Variants in SNTB1 observed in about 807,000 individuals in gnomAD.
The protein encoded by SNTB1 is syntrophin beta 1.
In SNTB1, 36 loss-of-function variants were observed where a neutral mutation model predicts 48.9. The ratio of observed to expected loss-of-function variants is 0.74; its 90% CI spans 0.56 to 0.97. SNTB1 has a LOEUF of 0.97. Among genes scored for constraint, SNTB1 ranks in the 50% least tolerant of loss-of-function variants. The pLI is 0.00. For missense variants in SNTB1, 786 were observed against 703.4 expected, an observed-to-expected ratio of 1.12 and a Z score of -1.33; for synonymous variants, 299 against 294.6, an observed-to-expected ratio of 1.01 and a Z score of -0.15.
intron 3 of SNTB1, among the ~76,000 whole-genome samples, chr8:120,610,475 C>A (rs2130730046): frequency 6.6e-6 from 1 of 152,188 alleles, no homozygotes; most frequent in East Asian, 1.9e-4. Flanking sequence ...ATTCATTAAT[C>A]ATCTTATAAA....
At chr8:120,591,895 C>T (rs1387639157) in intron 3 of SNTB1, among the ~76,000 whole-genome samples, 1 of 152,092 alleles carries the variant, frequency 6.6e-6, no homozygotes, top group Non-Finnish European at 1.5e-5. Flanking sequence ...GCAAAAGGGA[C>T]AGCTCAGTTA....
intron 2 of SNTB1, among the ~76,000 whole-genome samples, chr8:120,656,104 G>C (rs1795275716): frequency 6.6e-6 from 1 of 152,160 alleles, no homozygotes; most frequent in Non-Finnish European, 1.5e-5. Context: ...ACTAGAGTTG[G>C]AGTTGATTCT....
At chr8:120,556,718 G>A (rs989998029) in intron 4 of SNTB1, among the ~76,000 whole-genome samples, 6 of 152,152 alleles carry the variant, frequency 3.9e-5, no homozygotes, top group African/African-American at 7.2e-5. Flanking sequence ...TAGGAGTAGC[G>A]CCTCCAGAAA....
At chr8:120,559,104 C>G (rs1234161601) in intron 4 of SNTB1, among the ~76,000 whole-genome samples, 1 of 152,170 alleles carries the variant, frequency 6.6e-6, no homozygotes, top group Non-Finnish European at 1.5e-5. Context: ...ATCCAAAGAA[C>G]TTGGGTTTAT....
intron 3 of SNTB1, among the ~76,000 whole-genome samples, chr8:120,584,840 G>A (rs1413400526): frequency 2.6e-5 from 4 of 152,306 alleles, no homozygotes; most frequent in African/African-American, 9.6e-5. Context: ...GTACGCAGAC[G>A]TGTACACAGG....
intron 2 of SNTB1, among the ~76,000 whole-genome samples, chr8:120,658,699 T>A (rs1037427566): frequency 8.5e-5 from 13 of 152,232 alleles, no homozygotes; most frequent in Non-Finnish European, 1.8e-4. Context: ...GTAATCTTTT[T>A]GCTGGTGGAG....
At chr8:120,626,851 G>T (rs1304602227) in intron 3 of SNTB1, among the ~76,000 whole-genome samples, 4 of 152,124 alleles carry the variant, frequency 2.6e-5, no homozygotes, top group Non-Finnish European at 5.9e-5. Flanking sequence ...TTGCTATCTT[G>T]AACAGTATCA....
chr8:120,671,204 T>G, intron 2 of SNTB1, among the ~76,000 whole-genome samples: 1 of 152,184 alleles, frequency 6.6e-6, no homozygotes, highest in African/African-American at 2.4e-5. Flanking sequence ...ATATAAGTCT[T>G]ATTTTTAGAG....
chr8:120,653,425 A>C (rs1238072487), intron 2 of SNTB1, among the ~76,000 whole-genome samples: 5 of 152,068 alleles, frequency 3.3e-5, no homozygotes, highest in African/African-American at 1.2e-4. Context: ...GTTAGGAGAG[A>C]GGTATGAAAT....
At chr8:120,776,971 G>A (rs1202539322) in intron 1 of SNTB1, 1 of 152,164 alleles carries the variant, frequency 6.6e-6, no homozygotes, top group Admixed American at 6.5e-5. Context: ...GAACAGAAAT[G>A]AGGCCTTTTA....
chr8:120,756,805 C>G (rs919776959), intron 1 of SNTB1, among the ~76,000 whole-genome samples: 1 of 152,070 alleles, frequency 6.6e-6, no homozygotes, highest in Non-Finnish European at 1.5e-5. Context: ...AGAGAAAAGC[C>G]ACTGCTACAT....
chr8:120,678,664 A>G (rs114547208), intron 2 of SNTB1, among the ~76,000 whole-genome samples: 2,516 of 152,366 alleles, frequency 0.017, 70 homozygotes, highest in African/African-American at 0.055. Context: ...CAACAGGGTC[A>G]GGAAATGAAG....
chr8:120,563,057 T>G (rs1356763040), intron 4 of SNTB1, among the ~76,000 whole-genome samples: 1 of 152,048 alleles, frequency 6.6e-6, no homozygotes, highest in Non-Finnish European at 1.5e-5. Flanking sequence ...CTCAGGCCCA[T>G]GGGACAATAA....
chr8:120,553,497 C>G (rs1000209357), intron 4 of SNTB1, among the ~76,000 whole-genome samples: 17 of 152,134 alleles, frequency 1.1e-4, no homozygotes, highest in Non-Finnish European at 2.1e-4. Flanking sequence ...TCTGCTGTAT[C>G]CATGTGTGTG....
chr8:120,767,306 G>T (rs1819543227), intron 1 of SNTB1, among the ~76,000 whole-genome samples: 2 of 152,150 alleles, frequency 1.3e-5, no homozygotes, highest in Admixed American at 6.6e-5. Context: ...AAAGCTGAAT[G>T]ATGATTCTCT....
intron 1 of SNTB1, among the ~76,000 whole-genome samples, chr8:120,804,386 T>C (rs879368544): frequency 6.6e-6 from 1 of 152,160 alleles, no homozygotes; most frequent in African/African-American, 2.4e-5. Context: ...AAGTACTTCA[T>C]AATCAGCCTC....
intron 6 of SNTB1, among the ~76,000 whole-genome samples, chr8:120,540,882 T>G (rs1399150941): frequency 1.3e-5 from 2 of 152,152 alleles, no homozygotes; most frequent in African/African-American, 4.8e-5. Context: ...GCTGCAATTC[T>G]GAGAGATAAA....
At chr8:120,735,195 C>T (rs1437132907) in intron 1 of SNTB1, among the ~76,000 whole-genome samples, 1 of 152,168 alleles carries the variant, frequency 6.6e-6, no homozygotes, top group Non-Finnish European at 1.5e-5. Flanking sequence ...CCAAAGGCAG[C>T]TTGAATGTCA....
At chr8:120,647,568 G>T (rs1817320861) in intron 2 of SNTB1, among the ~76,000 whole-genome samples, 1 of 149,152 alleles carries the variant, frequency 6.7e-6, no homozygotes, top group African/African-American at 2.5e-5. Flanking sequence ...AATTTGCTGA[G>T]GAGAGCTTTA....
Sources: allele counts gnomAD v4.1 joint callset (sites outside exome capture counted in the v4.1 genomes callset), GRCh38; gene constraint gnomAD v4.1.1; transcripts MANE v1.5; gene names NCBI Gene and HGNC (gene_info 2026-07-23, HGNC 2026-07-21).